The following TRIOBP variants were observed in gnomAD, a reference collection of about 807,000 sequenced individuals.
TRIOBP encodes the protein TRIO and F-actin-binding protein.
A neutral mutation model predicts 238.8 loss-of-function variants in TRIOBP; 169 were observed. The ratio of observed to expected loss-of-function variants is 0.71; its 90% CI spans 0.62 to 0.80. TRIOBP has a LOEUF of 0.80. Among genes scored for constraint, TRIOBP ranks in the 30% least tolerant of loss-of-function variants. TRIOBP has a pLI of 0.00. For synonymous variants in TRIOBP, 1,150 were observed against 1,274.4 expected (o/e 0.90, Z 2.08); for missense variants, 2,838 against 3,122.6 (o/e 0.91, Z 2.17).
At chr22:37,699,092 G>A (rs1000728069) in intron 2 of TRIOBP, among the ~76,000 whole-genome samples, 1 of 152,014 alleles carries the variant, frequency 6.6e-6, no homozygotes, top group African/African-American at 2.4e-5. Context: ...AGTGAGCCGA[G>A]TGAGCCAAGA....
chr22:37,715,137 C>T (rs760063481), intron 5 of TRIOBP, among the ~76,000 whole-genome samples: 4 of 152,182 alleles, frequency 2.6e-5, no homozygotes, highest in South Asian at 2.1e-4. Flanking sequence ...GCCTCAGCCT[C>T]TCGAGTATCT....
At chr22:37,758,227 C>T (rs1926050226) in intron 16 of TRIOBP, 89 bp downstream of exon 16, 4 of 1,523,364 alleles carry the variant, frequency 2.6e-6, no homozygotes, top group Non-Finnish European at 3.6e-6. Flanking sequence ...GTCTTGCACT[C>T]CTACAGTGAT....
chr22:37,739,798 GT>G (rs1924848966), intron 10 of TRIOBP, among the ~76,000 whole-genome samples: 2 of 152,180 alleles, frequency 1.3e-5, no homozygotes, highest in African/African-American at 4.8e-5. Context: ...CTCTTTCTGG[GT>G]TATTTCTTCA....
chr22:37,704,095 A>G (rs1175806415), intron 3 of TRIOBP, among the ~76,000 whole-genome samples: 1 of 152,170 alleles, frequency 6.6e-6, no homozygotes, highest in Admixed American at 6.5e-5. Flanking sequence ...ATCATGATAA[A>G]TCAGAAAGGC....
intron 17 of TRIOBP, chr22:37,759,592 C>A: frequency 6.4e-7 from 1 of 1,573,960 alleles, no homozygotes; most frequent in Non-Finnish European, 8.6e-7. Flanking sequence ...CACTTGGACC[C>A]TTGCCCCGGG....
chr22:37,768,962 G>T (rs2145881565), intron 19 of TRIOBP, 66 bp from the exon 20 acceptor site: 1 of 1,609,506 alleles, frequency 6.2e-7, no homozygotes, highest in Admixed American at 1.7e-5. Flanking sequence ...AAGTCTACCT[G>T]ACTGGACTCC....
At chr22:37,764,315 T>C (rs149710042) in intron 17 of TRIOBP, among the ~76,000 whole-genome samples, 1 of 152,244 alleles carries the variant, frequency 6.6e-6, no homozygotes, top group African/African-American at 2.4e-5. Context: ...TTCCATTCAC[T>C]GGGACGGACA....
rs909220627 is a variant in TRIOBP, at chr22:37,769,113, C to T, written c.6661C>T (p.Arg2221Trp). Residue 2221 changes from arginine (R) to tryptophan (W), a missense_variant, in exon 20 of 24, where the codon CGG becomes TGG. Around this residue, in one of 5 missense-constraint regions of TRIOBP, gnomAD observed 2,096 missense variants for 2,137.4 expected, o/e 0.98. Transcript: ENST00000644935. ...GTGCCTGGAGATTGGGGCACTCATG[C>T]GGCAGGCTGAGGAGCGCGAGCACAC... ...QKCLEIGALM[R>W]QAEEREHTLR... is the part of the protein sequence containing the mutation. The T allele has an allele frequency of 3.7e-6, 6 of 1,613,370 alleles. No homozygotes were observed. Among genetic ancestry groups the T allele is most frequent in the East Asian group, 2.2e-5 (1 of 44,888 alleles).
intron 5 of TRIOBP, among the ~76,000 whole-genome samples, chr22:37,715,329 T>G (rs1923457380): frequency 6.7e-6 from 1 of 150,000 alleles, no homozygotes; most frequent in African/African-American, 2.5e-5. Context: ...AGTGCTTTGT[T>G]TTTTTTTGTT....
chr22:37,765,768 G>A lies in TRIOBP; in HGVS notation c.6423G>A (p.Gln2141=). 6.3e-7 allele frequency: 1 copy of A among 1,587,664 alleles called. No homozygotes were observed. Among genetic ancestry groups the A allele is most frequent in the Non-Finnish European group, 8.6e-7 (1 of 1,168,988 alleles). Residue 2141 remains glutamine, a synonymous_variant, in exon 18 of 24, where the codon CAG becomes CAA. Coordinates refer to ENST00000644935, the MANE Select transcript of TRIOBP (RefSeq NM_001039141.3). ...ACGAGCGGGAGCTGCAGCGCCTGCA[G>A]CAGGAGAAGGAGTGGCTCCTGGCTG... is the stretch of plus-strand genomic sequence containing the variant. ...RHHERELQRL[Q]QEKEWLLAEE... is the part of the protein sequence containing the mutation.
chr22:37,762,506 T>C (rs1343587253), intron 17 of TRIOBP, among the ~76,000 whole-genome samples: 1 of 152,186 alleles, frequency 6.6e-6, no homozygotes, highest in East Asian at 1.9e-4. Flanking sequence ...GGGTGTGACC[T>C]TTGAGCTATA....
At chr22:37,741,206 C>T (rs1019561837) in intron 11 of TRIOBP, among the ~76,000 whole-genome samples, 174 bp downstream of exon 11, 2 of 152,208 alleles carry the variant, frequency 1.3e-5, no homozygotes, top group South Asian at 2.1e-4. Context: ...CTGGTCTCAG[C>T]AAGCGAGTGG....
chr22:37,749,783 CA>C (rs893218020), intron 11 of TRIOBP, among the ~76,000 whole-genome samples: 1,568 of 60,294 alleles, frequency 0.026, 10 homozygotes, highest in Non-Finnish European at 0.029. Context: ...CCCATCTCTA[CA>C]AAAAAAAAAA....
chr22:37,765,421 A>G (rs1926433648), intron 17 of TRIOBP, among the ~76,000 whole-genome samples: 1 of 149,004 alleles, frequency 6.7e-6, no homozygotes, highest in African/African-American at 2.4e-5. Flanking sequence ...AAGGTCAGCC[A>G]TGGGAACGGG....
At position 37,765,836 on chromosome 22, in the gene TRIOBP, G is replaced by A; in HGVS notation, c.6472+19G>A. ...GCCTCAGGTATGGACCCTGGGGGGG[G>A]CACAGTGGGCTGGGCTCTGAGCCTC... On this transcript the variant is annotated intron_variant, in intron 18 of 23. Coordinates refer to ENST00000644935, the MANE Select transcript of TRIOBP (RefSeq NM_001039141.3). The A allele has an allele frequency of 2.5e-6, 4 of 1,584,448 alleles. No homozygotes were observed. Among genetic ancestry groups the A allele is most frequent in the Non-Finnish European group, 2.6e-6 (3 of 1,169,728 alleles).
At chr22:37,730,921 T>C (rs1399401440) in intron 7 of TRIOBP, among the ~76,000 whole-genome samples, 4 of 131,938 alleles carry the variant, frequency 3.0e-5, no homozygotes, top group Non-Finnish European at 6.2e-5. Flanking sequence ...CACTCCAGCC[T>C]GGGTGACAGA....
At chr22:37,749,484 G>C (rs1029648198) in intron 11 of TRIOBP, among the ~76,000 whole-genome samples, 2 of 152,184 alleles carry the variant, frequency 1.3e-5, no homozygotes, top group African/African-American at 4.8e-5. Context: ...AGGAGGCGGG[G>C]CTGTGAGAAC....
rs1434918591 is a variant in TRIOBP at position 37,774,049 on chromosome 22, C to T, written c.*269C>T. 6.6e-6 allele frequency: 1 copy of T among 151,848 alleles called. No homozygotes were observed. Among genetic ancestry groups the T allele is most frequent in the Admixed American group, 6.6e-5 (1 of 15,182 alleles). The allele number at this position is 151,848 out of a possible 1,614,324, so 9.4% of individuals were successfully genotyped here. A position where few individuals can be genotyped will look rare whatever the true frequency, so the allele number is the denominator to read the frequency against. The stretch of plus-strand genomic sequence containing the variant: ...CCTCGCACTGGGTCTCACCTTGCAC[C>T]TTCTTCAGGATTTTATATGTGAAGA... On this transcript the variant is annotated 3_prime_UTR_variant, in exon 24 of 24. Transcript: ENST00000644935.
At chr22:37,705,267 T>C (rs1324645977) in intron 3 of TRIOBP, among the ~76,000 whole-genome samples, 1 of 148,994 alleles carries the variant, frequency 6.7e-6, no homozygotes, top group African/African-American at 2.5e-5. Context: ...CCCAGGTACT[T>C]AGGAGGCTGA....
Sources: allele counts gnomAD v4.1 joint callset (sites outside exome capture counted in the v4.1 genomes callset), GRCh38; gene constraint gnomAD v4.1.1; regional missense constraint gnomAD v4.1.1; transcripts MANE v1.5; gene names NCBI Gene and HGNC (gene_info 2026-07-23, HGNC 2026-07-21).